Variants in RASL10A observed in about 807,000 individuals in gnomAD.
RASL10A encodes RAS like family 10 member A.
Under a neutral mutation model 17.3 loss-of-function variants are expected in RASL10A, and 13 were observed. The ratio of observed to expected loss-of-function variants is 0.75; its 90% CI spans 0.49 to 1.20. RASL10A has a LOEUF of 1.20. RASL10A is among the 50% of genes most tolerant of loss of function. RASL10A has a pLI of 0.00. For missense variants in RASL10A, 307 were observed against 310.3 expected, an observed-to-expected ratio of 0.99 and a Z score of 0.08; for synonymous variants, 159 against 142.2, an observed-to-expected ratio of 1.12 and a Z score of -0.84.
Position 29,313,333 on chromosome 22 carries a change from C to A in RASL10A, c.580G>T (p.Ala194Ser). Reference protein sequence around the residue: ...PAHPALRLQGALHPARCSLM With the variant: ...PAHPALRLQGSLHPARCSLM ...AGGCTGCAGCGCGCGGGATGCAGCG[C>A]CCCCTGCAGGCGCAGGGCCGGGTGT... The change falls in exon 3 of 3, where the codon GCG (alanine) becomes TCG (serine). Residue 194 changes from alanine to serine, a missense_variant. Transcript: ENST00000216101. 1.3e-6 allele frequency: 2 copies of A among 1,533,672 alleles called. No individual in the cohort carries two copies. Among genetic ancestry groups the A allele is most frequent in the Non-Finnish European group, 1.8e-6 (2 of 1,139,536 alleles).
At chr22:29,316,467 A>G (rs896644492), upstream of RASL10A, among the ~76,000 whole-genome samples, 4 of 152,148 alleles carry the variant, frequency 2.6e-5, no homozygotes, top group Admixed American at 6.5e-5. Context: ...CATCACTACT[A>G]AGGTCACCTT....
rs2061448456 is a variant in RASL10A, at chr22:29,315,479, C to T, written c.-233G>A. ...AGACAGGTGGCGGGCGCGCGAGCGG[C>T]TCGGGCGGGTGCCGAAGCTCGAGAG... On this transcript the variant is annotated 5_prime_UTR_variant, in exon 1 of 3. Coordinates refer to ENST00000216101, the MANE Select transcript of RASL10A (RefSeq NM_006477.5). The surrounding 1 kb of genome is among the most constrained non-coding windows in gnomAD (Gnocchi z 5.5). 1 of 261,688 alleles carries T rather than the reference C, an allele frequency of 3.8e-6. No individual in the cohort carries two copies. Among genetic ancestry groups the T allele is most frequent in the Non-Finnish European group, 7.1e-6 (1 of 140,650 alleles). The allele number at this position is 261,688 out of a possible 1,614,324, so 16.2% of individuals were successfully genotyped here. A position where few individuals can be genotyped will look rare whatever the true frequency, so the allele number is the denominator to read the frequency against.
upstream of RASL10A, chr22:29,315,813 A>G (rs1426460409): frequency 1.4e-5 from 2 of 143,116 alleles, no homozygotes; most frequent in Non-Finnish European, 3.1e-5. The surrounding 1 kb of genome is among the most constrained non-coding windows in gnomAD (Gnocchi z 5.5). Flanking sequence ...GAAGGGTCGC[A>G]GGAAGGTGAC....
upstream of RASL10A, among the ~76,000 whole-genome samples, chr22:29,316,309 G>A (rs945519672): frequency 6.6e-6 from 1 of 152,160 alleles, no homozygotes; most frequent in Middle Eastern, 3.2e-3. Context: ...GGGGTAAATG[G>A]CCCACACTAG....
chr22:29,313,460 G>A lies in RASL10A; in HGVS notation c.453C>T (p.Gly151=), dbSNP rs1200225450. ...AGCACTCGAGGTAGCCGCAGCGCCA[G>A]CCCCTGCGCACTAGGGCGGCCAGCG... ...RRALAALVRR[G]WRCGYLECSA... is the part of the protein sequence containing the mutation. Residue 151 remains glycine, a synonymous_variant, in exon 3 of 3, where the codon GGC becomes GGT. Coordinates refer to ENST00000216101, the MANE Select transcript of RASL10A (RefSeq NM_006477.5). 2 of 1,545,156 alleles carry A rather than the reference G, an allele frequency of 1.3e-6. No individual in the cohort carries two copies. Among genetic ancestry groups the A allele is most frequent in the African/African-American group, 2.7e-5 (2 of 73,378 alleles).
chr22:29,317,518 C>T (rs963344152), upstream of RASL10A, among the ~76,000 whole-genome samples: 2 of 152,296 alleles, frequency 1.3e-5, no homozygotes, highest in Non-Finnish European at 1.5e-5. Flanking sequence ...GGATTACAGG[C>T]GTGAGCCACC....
Position 29,315,113 on chromosome 22 carries a change from G to A in RASL10A, c.134C>T (p.Ala45Val). 6.5e-7 allele frequency: 1 copy of A among 1,530,802 alleles called. No homozygotes were observed. Among genetic ancestry groups the A allele is most frequent in the East Asian group, 2.5e-5 (1 of 39,328 alleles). 94.8% of individuals were successfully genotyped at this position (1,530,802 alleles called of 1,614,324 possible). A position where few individuals can be genotyped will look rare whatever the true frequency, so the allele number is the denominator to read the frequency against. Residue 45 changes from alanine (A) to valine (V), a missense_variant, in exon 1 of 3, where the codon GCG (alanine) becomes GTG (valine). Ala to Val is a moderately conservative substitution (Grantham distance 64). Transcript: ENST00000216101. The surrounding 1 kb of genome is among the most constrained non-coding windows in gnomAD (Gnocchi z 5.5). Reference sequence around the variant, plus strand: ...GTAGACGGCGCCGTCGAGCAGCACCGCGGGTCGGTAGAGGCGCGGCCCGTC... The same window carrying A: ...GTAGACGGCGCCGTCGAGCAGCACCACGGGTCGGTAGAGGCGCGGCCCGTC... ...PTDGPRLYRP[A>V]VLLDGAVYDL... is the part of the protein sequence containing the mutation.
intron 2 of RASL10A, 108 bp downstream of exon 2, chr22:29,313,755 G>C (rs1029616016): frequency 6.6e-6 from 10 of 1,520,908 alleles, no homozygotes; most frequent in Non-Finnish European, 7.9e-6. Flanking sequence ...CACGGGCGAA[G>C]GCCTAAGACC....
In RASL10A at chr22:29,314,004, AG is replaced by A; in HGVS notation, c.220-18del. The A allele has an allele frequency of 6.2e-7, 1 of 1,611,718 alleles. No homozygotes were observed. The highest frequency in any genetic ancestry group is 8.5e-7 in the Non-Finnish European group (1 of 1,179,924). ...TGGCCACTCCTGGGGACAGGAGGCCAGGGTTTGCGGAAGCCTCCTTTCCACT... is the reference window on the plus strand; with the variant it reads ...TGGCCACTCCTGGGGACAGGAGGCCAGGTTTGCGGAAGCCTCCTTTCCACT... On this transcript the variant is annotated intron_variant, in intron 1 of 2. Coordinates refer to ENST00000216101, the MANE Select transcript of RASL10A (RefSeq NM_006477.5).
chr22:29,317,686 TTTTG>T (rs778803450), upstream of RASL10A, among the ~76,000 whole-genome samples: 6 of 152,118 alleles, frequency 3.9e-5, no homozygotes, highest in South Asian at 4.2e-4. Context: ...CAGGACGGTC[TTTTG>T]TTTGTTTGTT....
rs1407344802 is a variant in RASL10A, at chr22:29,315,153, G to A, written c.94C>T (p.Arg32Cys). Residue 32 changes from arginine (R) to cysteine (C), a missense_variant, in exon 1 of 3, where the codon CGC (arginine) becomes TGC (cysteine). Transcript: ENST00000216101. The surrounding 1 kb of genome is among the most constrained non-coding windows in gnomAD (Gnocchi z 5.5). ...CGCGGCCCGTCCGTGGGCCGGTGGC[G>A]CTCGGGGTAGTCACCGAACAGGAAC... ...RQFLFGDYPE[R>C]HRPTDGPRLY... 46 of 1,535,902 alleles carry A rather than the reference G, an allele frequency of 3.0e-5. No individual in the cohort carries two copies. Among genetic ancestry groups the A allele is most frequent in the East Asian group, 5.1e-5 (2 of 39,372 alleles).
Position 29,313,083 on chromosome 22 carries a change from AG to A in RASL10A, c.*217del. 1 of 508,316 alleles carries A rather than the reference AG, an allele frequency of 2.0e-6. No homozygotes were observed. The highest frequency in any genetic ancestry group is 2.0e-5 in the African/African-American group (1 of 50,020). 31.5% of individuals were successfully genotyped at this position (508,316 alleles called of 1,614,324 possible). A position where few individuals can be genotyped will look rare whatever the true frequency, so the allele number is the denominator to read the frequency against. On this transcript the variant is annotated 3_prime_UTR_variant, in exon 3 of 3. Coordinates refer to ENST00000216101, the MANE Select transcript of RASL10A (RefSeq NM_006477.5). Reference sequence around the variant, plus strand: ...ATTGTGACCCATTGAGGTCCCAGAAAGGACTGGTCATCTCCAATGGAGCTTG... The same window carrying A: ...ATTGTGACCCATTGAGGTCCCAGAAAGACTGGTCATCTCCAATGGAGCTTG...
upstream of RASL10A, chr22:29,319,527 CTG>C (rs2061466651): frequency 6.6e-6 from 1 of 152,278 alleles, no homozygotes; most frequent in African/African-American, 2.4e-5. Flanking sequence ...CCTTCCAGGG[CTG>C]TGTCATCTGT....
At chr22:29,315,972 A>G (rs2061452044), upstream of RASL10A, among the ~76,000 whole-genome samples, 1 of 152,118 alleles carries the variant, frequency 6.6e-6, no homozygotes, top group South Asian at 2.1e-4. This position sits in a 1 kb window ranked among gnomAD's most constrained non-coding sequence, Gnocchi z 5.5. Flanking sequence ...CTGGCTCCCG[A>G]CAAGCCCCGG....
At chr22:29,314,140 T>G in intron 1 of RASL10A, 153 bp from the exon 2 acceptor site, 1 of 1,051,046 alleles carries the variant, frequency 9.5e-7, no homozygotes, top group Non-Finnish European at 1.3e-6. Flanking sequence ...CGTCTCCTCA[T>G]GACCACCAGG....
intron 1 of RASL10A, 99 bp downstream of exon 1, chr22:29,314,929 G>T (rs772108529): frequency 2.2e-5 from 22 of 1,017,446 alleles, no homozygotes; most frequent in Non-Finnish European, 2.9e-5. Context: ...CCGGAGCACA[G>T]CCAGGCGCCC....
In RASL10A at chr22:29,315,038, C is replaced by G. The variant is rs1463868015; in HGVS notation, c.209G>C (p.Gly70Ala). The G allele has an allele frequency of 2.0e-6, 3 of 1,510,880 alleles. No homozygotes were observed. Among genetic ancestry groups the G allele is most frequent in the Admixed American group, 2.1e-5 (1 of 48,646 alleles). The allele number at this position is 1,510,880 out of a possible 1,614,324, so 93.6% of individuals were successfully genotyped here. ...TCCTCGAGCCGCTACCTCCGGACCC[C>G]CGGGGCTCGAGCCGGGGCCAGCGAC... ...GDVAGPGSSP[G>A]GPEEWPDAKD... Residue 70 changes from glycine (G) to alanine (A), a missense_variant, in exon 1 of 3, where the codon GGG (glycine) becomes GCG (alanine). Gly to Ala is a moderately conservative substitution (Grantham distance 60). Transcript: ENST00000216101. This position sits in a 1 kb window ranked among gnomAD's most constrained non-coding sequence, Gnocchi z 5.5.
At chr22:29,316,274 CCCTCCTACCTT>C (rs776800876), upstream of RASL10A, among the ~76,000 whole-genome samples, 4 of 152,168 alleles carry the variant, frequency 2.6e-5, no homozygotes, top group Non-Finnish European at 5.9e-5. Context: ...CCTTTGAAGT[CCCTCCTACCTT>C]CCTCCTGCCC....
Position 29,313,731 on chromosome 22 carries a change from G to A in RASL10A, c.344+132C>T, listed in dbSNP as rs368278535. ...CCATGTGGGCCAAAGAGCACATACA[G>A]CTTAAGACCTTCCCACGGGCGAAGG... On this transcript the variant is annotated intron_variant, in intron 2 of 2. Transcript: ENST00000216101. 6.8e-6 allele frequency: 10 copies of A among 1,471,210 alleles called. No homozygotes were observed. In the South Asian group the frequency reaches 1.1e-4, roughly 16 times the overall value. The allele number at this position is 1,471,210 out of a possible 1,614,324, so 91.1% of individuals were successfully genotyped here. A position where few individuals can be genotyped will look rare whatever the true frequency, so the allele number is the denominator to read the frequency against.
Sources: allele counts gnomAD v4.1 joint callset (sites outside exome capture counted in the v4.1 genomes callset), GRCh38; gene constraint gnomAD v4.1.1; non-coding constraint Gnocchi (gnomAD v3.1); transcripts MANE v1.5; gene names NCBI Gene and HGNC (gene_info 2026-07-23, HGNC 2026-07-21).